The following PRKDC variants were observed in gnomAD, a reference collection of about 807,000 sequenced individuals.
PRKDC encodes protein kinase, DNA-activated, catalytic subunit.
Under a neutral mutation model 486.9 loss-of-function variants are expected in PRKDC, and 82 were observed. The ratio of observed to expected loss-of-function variants is 0.17; its 90% CI spans 0.14 to 0.20. The LOEUF is 0.20. PRKDC is among the 10% of genes least tolerant of loss of function. The pLI is 1.00. For synonymous variants in PRKDC, 1,895 were observed against 1,837.0 expected, an observed-to-expected ratio of 1.03 and a Z score of -0.81; for missense variants, 4,504 against 5,038.2, an observed-to-expected ratio of 0.89 and a Z score of 3.21.
chr8:47,917,805 A>G (rs1159066612), intron 22 of PRKDC, among the ~76,000 whole-genome samples: 2 of 152,220 alleles, frequency 1.3e-5, no homozygotes, highest in Non-Finnish European at 2.9e-5. Flanking sequence ...CAAGACCAAA[A>G]AAATAAACAA....
chr8:47,778,779 G>A lies in PRKDC; in HGVS notation c.11600C>T (p.Thr3867Ile). Residue 3867 changes from threonine to isoleucine, a missense_variant, in exon 82 of 86, where the codon ACA becomes ATA. This residue lies in a region of PRKDC where 706 missense variants were observed against 945.0 expected (regional missense o/e 0.75). Coordinates refer to ENST00000314191, the MANE Select transcript of PRKDC (RefSeq NM_006904.7). ...LMYKGANRTE[T>I]VTSFRKRESK... ...TTCTCGTTTTCTAAAAGACGTGACT[G>A]TTTCAGTACGATTAGCGCCCCTATG... 1 of 1,613,644 alleles carries A rather than the reference G, an allele frequency of 6.2e-7. No individual in the cohort carries two copies. Among genetic ancestry groups the A allele is most frequent in the Non-Finnish European group, 8.5e-7 (1 of 1,179,720 alleles).
chr8:47,928,155 T>C (rs1209032517), intron 19 of PRKDC, among the ~76,000 whole-genome samples: 14 of 136,508 alleles, frequency 1.0e-4, no homozygotes, highest in African/African-American at 2.6e-4. Flanking sequence ...CTTGAGGGAC[T>C]TTTTTTTTTT....
At chr8:47,894,534 G>T (rs1330479983) in intron 30 of PRKDC, among the ~76,000 whole-genome samples, 1 of 152,170 alleles carries the variant, frequency 6.6e-6, no homozygotes, top group Non-Finnish European at 1.5e-5. Context: ...GCACGCTTGG[G>T]GTTGGGGAGC....
intron 49 of PRKDC, 29 bp from the exon 50 acceptor site, chr8:47,855,402 T>C (rs1437549374): frequency 1.3e-6 from 2 of 1,544,766 alleles, no homozygotes; most frequent in Non-Finnish European, 1.7e-6. Flanking sequence ...TCTGTATTAA[T>C]ATGCGGCATT....
At chr8:47,892,067 G>A (rs1458642344) in intron 31 of PRKDC, among the ~76,000 whole-genome samples, 4 of 151,916 alleles carry the variant, frequency 2.6e-5, no homozygotes, top group Non-Finnish European at 4.4e-5. Flanking sequence ...ACGGGATTTC[G>A]CCATGTTGGC....
chr8:47,918,972 T>A (rs79239901), intron 21 of PRKDC, among the ~76,000 whole-genome samples: 1 of 151,996 alleles, frequency 6.6e-6, no homozygotes, highest in Admixed American at 6.6e-5. Flanking sequence ...TTTTTTTTTT[T>A]AAGCAATCAT....
intron 22 of PRKDC, among the ~76,000 whole-genome samples, chr8:47,915,665 T>TA (rs1274546489): frequency 3.3e-5 from 5 of 152,224 alleles, no homozygotes; most frequent in Admixed American, 6.5e-5. Flanking sequence ...TGTAAATAGT[T>TA]AAACTACTAA....
chr8:47,831,585 G>A (rs886097184), intron 60 of PRKDC, among the ~76,000 whole-genome samples: 1 of 152,058 alleles, frequency 6.6e-6, no homozygotes, highest in Admixed American at 6.5e-5. Context: ...TCCCAGGCCG[G>A]CCACACTTCC....
chr8:47,919,008 T>C (rs111811524), intron 21 of PRKDC, among the ~76,000 whole-genome samples: 4 of 152,066 alleles, frequency 2.6e-5, no homozygotes, highest in African/African-American at 9.6e-5. Flanking sequence ...GGAGAGTATA[T>C]AACTTCTTTC....
At chr8:47,832,275 G>A (rs1287626205) in intron 59 of PRKDC, among the ~76,000 whole-genome samples, 1 of 152,144 alleles carries the variant, frequency 6.6e-6, no homozygotes, top group African/African-American at 2.4e-5. Flanking sequence ...AGCCTCCCTC[G>A]GGACTGTGGC....
At chr8:47,775,209 AAATAAATT>A (rs1382901266) in intron 85 of PRKDC, among the ~76,000 whole-genome samples, 1 of 149,588 alleles carries the variant, frequency 6.7e-6, no homozygotes, top group Non-Finnish European at 1.5e-5. Flanking sequence ...ATAAATAAAT[AAATAAATT>A]AATTAATTAA....
intron 59 of PRKDC, 82 bp downstream of exon 59, chr8:47,834,112 TAC>T: frequency 6.6e-7 from 1 of 1,508,148 alleles, no homozygotes; most frequent in Non-Finnish European, 9.2e-7. Context: ...GAAACATGGA[TAC>T]AGTCAGAAAT....
At chr8:47,826,588 C>G (rs1231045848) in intron 63 of PRKDC, 68 bp downstream of exon 63, 10 of 1,453,366 alleles carry the variant, frequency 6.9e-6, no homozygotes, top group African/African-American at 1.4e-5. Context: ...CCAAATGAAG[C>G]CAAGTGTTTT....
chr8:47,900,390 G>A lies in PRKDC; in HGVS notation c.3347C>T (p.Ala1116Val). ...AAACGTACCTAAGGACTTCTCATCTGCATGTGCTAAGGCCAGACTCTCCAT... is the reference window on the plus strand; with the variant it reads ...AAACGTACCTAAGGACTTCTCATCTACATGTGCTAAGGCCAGACTCTCCAT... ...IYMESLALAH[A>V]DEKSLGTIQQ... Residue 1116 changes from alanine (A) to valine (V), a missense_variant, in exon 28 of 86, where the codon GCA (alanine) becomes GTA (valine). By Grantham distance (64) the Ala-to-Val change is moderately conservative. This residue lies in a region of PRKDC where 1,969 missense variants were observed against 2,068.9 expected (regional missense o/e 0.95). Coordinates refer to ENST00000314191, the MANE Select transcript of PRKDC (RefSeq NM_006904.7). The A allele has an allele frequency of 6.2e-7, 1 of 1,608,880 alleles. No individual in the cohort carries two copies. Among genetic ancestry groups the A allele is most frequent in the Non-Finnish European group, 8.5e-7 (1 of 1,177,950 alleles).
intron 21 of PRKDC, among the ~76,000 whole-genome samples, chr8:47,922,365 G>A (rs4618724): frequency 0.15 from 22,072 of 152,016 alleles, 2,560 homozygotes; most frequent in African/African-American, 0.3. Flanking sequence ...CCAGCCACTT[G>A]GGAAGCTGAG....
intron 68 of PRKDC, among the ~76,000 whole-genome samples, chr8:47,814,599 TA>T (rs745355528): frequency 5.5e-4 from 83 of 152,154 alleles, no homozygotes; most frequent in Middle Eastern, 3.4e-3. Flanking sequence ...CCAAAAAACA[TA>T]AAATACTTAG....
At chr8:47,786,723 C>CTTTTTTTTTT (rs5891257) in intron 76 of PRKDC, among the ~76,000 whole-genome samples, 5 of 88,248 alleles carry the variant, frequency 5.7e-5, no homozygotes, top group Admixed American at 1.9e-4. Context: ...ATTATTTAAT[C>CTTTTTTTTTT]TTTTTTTTTT....
At chr8:47,810,112 G>A (rs747846921) in intron 68 of PRKDC, among the ~76,000 whole-genome samples, 1 of 152,186 alleles carries the variant, frequency 6.6e-6, no homozygotes, top group Non-Finnish European at 1.5e-5. Context: ...GACAGGAACT[G>A]AGGTTTCAAC....
Position 47,777,787 on chromosome 8 carries a change from A to C in PRKDC, c.11941T>G (p.Tyr3981Asp). 6.2e-7 allele frequency: 1 copy of C among 1,614,052 alleles called. No homozygotes were observed. Among genetic ancestry groups the C allele is most frequent in the South Asian group, 1.1e-5 (1 of 91,084 alleles). The change falls in exon 84 of 86, where the codon TAC (tyrosine) becomes GAC (aspartate). Residue 3981 changes from tyrosine to aspartate, a missense_variant. This residue lies in a region of PRKDC where 706 missense variants were observed against 945.0 expected (regional missense o/e 0.75). Coordinates refer to ENST00000314191, the MANE Select transcript of PRKDC (RefSeq NM_006904.7). ...MLPMKETGLMYSIMVHALRAF... is the reference protein window; with the variant it reads ...MLPMKETGLMDSIMVHALRAF... The stretch of plus-strand genomic sequence containing the variant: ...CGGAGTGCGTGTACCATGATGCTGT[A>C]CATAAGGCCCGTTTCTTTCATTGGT...
Sources: allele counts gnomAD v4.1 joint callset (sites outside exome capture counted in the v4.1 genomes callset), GRCh38; gene constraint gnomAD v4.1.1; regional missense constraint gnomAD v4.1.1; transcripts MANE v1.5; gene names NCBI Gene and HGNC (gene_info 2026-07-23, HGNC 2026-07-21).